RABGAP1L: variants seen among roughly 807,000 people sequenced by gnomAD.
The protein encoded by RABGAP1L is RAB GTPase activating protein 1 like.
A neutral mutation model predicts 137.7 loss-of-function variants in RABGAP1L; 63 were observed. The ratio of observed to expected loss-of-function variants is 0.46; its 90% CI spans 0.37 to 0.56. The LOEUF is 0.56. Ranked by LOEUF, RABGAP1L falls within the 20% of genes least tolerant of loss-of-function variation. The pLI is 0.00. For missense variants in RABGAP1L, 1,095 were observed against 1,244.0 expected (o/e 0.88, Z 1.80); for synonymous variants, 431 against 433.7 (o/e 0.99, Z 0.08).
At chr1:174,167,013 C>T (rs2148208804) in intron 1 of RABGAP1L, among the ~76,000 whole-genome samples, 1 of 152,278 alleles carries the variant, frequency 6.6e-6, no homozygotes, top group South Asian at 2.1e-4. Context: ...ACACGATTTT[C>T]TTCAGTTATG....
intron 11 of RABGAP1L, among the ~76,000 whole-genome samples, chr1:174,336,483 T>C (rs1681474719): frequency 1.3e-5 from 2 of 152,160 alleles, no homozygotes; most frequent in Non-Finnish European, 2.9e-5. Flanking sequence ...AAATGAACTT[T>C]TAAAGAAAAG....
intron 1 of RABGAP1L, among the ~76,000 whole-genome samples, chr1:174,207,049 T>C (rs1209987307): frequency 6.6e-6 from 1 of 152,176 alleles, no homozygotes; most frequent in African/African-American, 2.4e-5. Context: ...ACATACCAGA[T>C]TTTCTATAAT....
chr1:174,316,185 T>C (rs1464363016), intron 11 of RABGAP1L, among the ~76,000 whole-genome samples: 1 of 152,246 alleles, frequency 6.6e-6, no homozygotes, highest in Non-Finnish European at 1.5e-5. Flanking sequence ...CACAGTTATT[T>C]TGAATTCTCT....
intron 3 of RABGAP1L, among the ~76,000 whole-genome samples, 160 bp downstream of exon 3, chr1:174,221,324 A>G (rs1347731596): frequency 6.6e-6 from 1 of 152,260 alleles, no homozygotes; most frequent in East Asian, 1.9e-4. Flanking sequence ...ATCTCTGCCT[A>G]TAAAAATCAG....
intron 13 of RABGAP1L, among the ~76,000 whole-genome samples, chr1:174,469,604 A>G (rs942167027): frequency 1.3e-5 from 2 of 152,150 alleles, no homozygotes; most frequent in Admixed American, 1.3e-4. Context: ...CTTTGCCCTT[A>G]GGAGGGGTTC....
intron 13 of RABGAP1L, among the ~76,000 whole-genome samples, chr1:174,614,071 T>C (rs557835999): frequency 6.6e-6 from 1 of 152,316 alleles, no homozygotes; most frequent in East Asian, 1.9e-4. Context: ...AAAGTTAATA[T>C]TGTTATGTGT....
chr1:174,994,185 A>T lies in RABGAP1L; in HGVS notation c.*4184A>T, dbSNP rs1672234651. On this transcript the variant is annotated 3_prime_UTR_variant, in exon 26 of 26. Transcript: ENST00000681986. ...CAGGCAAAGCCCTTTACCTTAGCAA[A>T]TTCTTTATCTTTCAAAAGTGACCAA... 6.6e-6 allele frequency: 1 copy of T among 152,212 alleles called. No homozygotes were observed. The highest frequency in any genetic ancestry group is 2.1e-4 in the South Asian group (1 of 4,832). The allele number at this position is 152,212 out of a possible 1,614,324, so 9.4% of individuals were successfully genotyped here.
chr1:174,551,021 T>TATATATATATATATATACACACAC (rs1553330343), intron 13 of RABGAP1L, among the ~76,000 whole-genome samples: 2 of 122,816 alleles, frequency 1.6e-5, no homozygotes, highest in Non-Finnish European at 1.6e-5. Context: ...TATATATATA[T>TATATATATATATATATACACACAC]ACATACACAC....
At chr1:174,844,067 A>T (rs1392335073) in intron 19 of RABGAP1L, among the ~76,000 whole-genome samples, 2 of 151,182 alleles carry the variant, frequency 1.3e-5, no homozygotes, top group Non-Finnish European at 2.9e-5. Flanking sequence ...CCACTTTTTG[A>T]TGGGGTTGTT....
intron 11 of RABGAP1L, among the ~76,000 whole-genome samples, chr1:174,364,342 C>T (rs1474291748): frequency 1.4e-5 from 2 of 144,072 alleles, no homozygotes; most frequent in Admixed American, 6.9e-5. Flanking sequence ...GCAAGCTCCG[C>T]CTCCCGGGTT....
At chr1:174,953,791 T>C (rs1172616312) in intron 19 of RABGAP1L, among the ~76,000 whole-genome samples, 2 of 152,094 alleles carry the variant, frequency 1.3e-5, no homozygotes, top group Middle Eastern at 3.4e-3. Flanking sequence ...GGAAAAACTA[T>C]AGGGAAAGGA....
intron 14 of RABGAP1L, among the ~76,000 whole-genome samples, chr1:174,668,355 A>G (rs1414849185): frequency 6.6e-6 from 1 of 152,132 alleles, no homozygotes; most frequent in Non-Finnish European, 1.5e-5. Context: ...GAGTAAGATC[A>G]TGTGGTATTT....
intron 5 of RABGAP1L, among the ~76,000 whole-genome samples, chr1:174,248,615 A>G (rs1161459187): frequency 6.6e-6 from 1 of 152,162 alleles, no homozygotes; most frequent in Non-Finnish European, 1.5e-5. Flanking sequence ...ATCATTGGTT[A>G]ATGGGTATAA....
At chr1:174,271,039 G>A (rs578008332) in intron 7 of RABGAP1L, among the ~76,000 whole-genome samples, 1 of 152,220 alleles carries the variant, frequency 6.6e-6, no homozygotes, top group South Asian at 2.1e-4. Context: ...TTTAATTTGT[G>A]TAGACAGTGT....
At chr1:174,729,089 A>G (rs1682244742) in intron 17 of RABGAP1L, among the ~76,000 whole-genome samples, 1 of 152,236 alleles carries the variant, frequency 6.6e-6, no homozygotes, top group South Asian at 2.1e-4. Flanking sequence ...GTAAGGCTAT[A>G]TAGTAATCAA....
chr1:174,252,001 A>G (rs538897383), intron 6 of RABGAP1L, among the ~76,000 whole-genome samples: 118 of 151,974 alleles, frequency 7.8e-4, no homozygotes, highest in African/African-American at 2.7e-3. Flanking sequence ...GGTTCAACCA[A>G]TTCTCCTGCC....
rs1429486220 is a variant in RABGAP1L, at chr1:174,991,081, GATACAA to G, written c.*1083_*1088del. ...AATGTGTCCTTCGTACCCATAAAGA[GATACAA>G]ATGCATTTGTAACATTTTTGATTGA... On this transcript the variant is annotated 3_prime_UTR_variant, in exon 26 of 26. Transcript: ENST00000681986. 5.3e-5 allele frequency: 8 copies of G among 152,104 alleles called. No individual in the cohort carries two copies. The highest frequency in any genetic ancestry group is 1.9e-4 in the African/African-American group (8 of 41,422). The allele number at this position is 152,104 out of a possible 1,614,324, so 9.4% of individuals were successfully genotyped here. A position where few individuals can be genotyped will look rare whatever the true frequency, so the allele number is the denominator to read the frequency against.
intron 13 of RABGAP1L, among the ~76,000 whole-genome samples, chr1:174,577,210 T>TACACACACACAC (rs67709003): frequency 1.6e-5 from 2 of 127,082 alleles, no homozygotes; most frequent in East Asian, 2.2e-4. Flanking sequence ...GGGGAAAAAA[T>TACACACACACAC]ACACACACAC....
intron 12 of RABGAP1L, among the ~76,000 whole-genome samples, chr1:174,377,892 A>G (rs375759627): frequency 0.28 from 33,297 of 119,362 alleles, 6,047 homozygotes; most frequent in African/African-American, 0.55. Flanking sequence ...CCACTAACTC[A>G]TCATCTAGCA....
Sources: gnomAD v4.1 joint callset for allele counts (sites outside exome capture counted in the v4.1 genomes callset) on GRCh38, gnomAD v4.1.1 for gene constraint, MANE v1.5 for transcripts, NCBI Gene and HGNC (gene_info 2026-07-23, HGNC 2026-07-21) for gene names.